ZNF804A: variants seen among roughly 807,000 people sequenced by gnomAD.
ZNF804A encodes the protein zinc finger protein 804A.
In ZNF804A, 2 loss-of-function variants were observed where a neutral mutation model predicts 16.5. That is an observed-to-expected ratio of 0.12 (90% CI 0.05 to 0.38). The LOEUF is 0.38. ZNF804A is among the 10% of genes least tolerant of loss of function. The pLI is 0.99. For synonymous variants in ZNF804A, 534 were observed against 489.6 expected (o/e 1.09, Z -1.20); for missense variants, 1,473 against 1,390.7 (o/e 1.06, Z -0.94).
At chr2:184,755,039 T>C (rs78238869) in intron 1 of ZNF804A, among the ~76,000 whole-genome samples, 1,873 of 151,982 alleles carry the variant, frequency 0.012, 33 homozygotes, top group African/African-American at 0.042. Flanking sequence ...ATGAGGTTTA[T>C]AATTTCGGAT....
chr2:184,687,795 T>TA (rs544236795), intron 1 of ZNF804A, among the ~76,000 whole-genome samples: 19 of 152,002 alleles, frequency 1.2e-4, no homozygotes, highest in Non-Finnish European at 2.5e-4. Context: ...TTTACCACAA[T>TA]AAAAAAAATT....
chr2:184,907,585 A>G (rs1484783423), intron 2 of ZNF804A, among the ~76,000 whole-genome samples: 1 of 152,100 alleles, frequency 6.6e-6, no homozygotes, highest in African/African-American at 2.4e-5. Context: ...GAAATTGACA[A>G]ATCATATGGT....
intron 1 of ZNF804A, among the ~76,000 whole-genome samples, chr2:184,852,222 G>A (rs910355315): frequency 1.3e-4 from 17 of 130,408 alleles, no homozygotes; most frequent in Admixed American, 4.7e-4. Flanking sequence ...ATGTGAATGC[G>A]GTCTCTTTCT....
chr2:184,721,155 TA>T (rs1340847454), intron 1 of ZNF804A, among the ~76,000 whole-genome samples: 1 of 152,060 alleles, frequency 6.6e-6, no homozygotes, highest in East Asian at 1.9e-4. Context: ...GAAGAAGACA[TA>T]GGGGAAACAC....
At chr2:184,721,117 C>A (rs555076059) in intron 1 of ZNF804A, among the ~76,000 whole-genome samples, 149 of 152,192 alleles carry the variant, frequency 9.8e-4, no homozygotes, top group African/African-American at 3.5e-3. Context: ...AAGACTTAAA[C>A]ATAAGACTCA....
At position 184,937,823 on chromosome 2, in the gene ZNF804A, A is replaced by G; in HGVS notation, c.2427A>G (p.Lys809=). The part of the protein sequence containing the change: ...PSTSVAPCKP[K]KKRRRKRGRF... Reference sequence around the variant, plus strand: ...CTTCAGTTGCTCCCTGCAAGCCTAAAAAGAAACGGAGGCGAAAAAGAGGCA... The same window carrying G: ...CTTCAGTTGCTCCCTGCAAGCCTAAGAAGAAACGGAGGCGAAAAAGAGGCA... Residue 809 remains lysine (K), a synonymous_variant, in exon 4 of 4, where the codon AAA becomes AAG. Transcript: ENST00000302277. 1 of 1,614,160 alleles carries G rather than the reference A, an allele frequency of 6.2e-7. No individual in the cohort carries two copies. Among genetic ancestry groups the G allele is most frequent in the Non-Finnish European group, 8.5e-7 (1 of 1,180,012 alleles).
intron 2 of ZNF804A, among the ~76,000 whole-genome samples, chr2:184,928,664 C>T (rs920955616): frequency 1.3e-5 from 2 of 152,176 alleles, no homozygotes; most frequent in Non-Finnish European, 2.9e-5. Context: ...AGCCCCAGAG[C>T]CCTCTGGCCC....
chr2:184,731,117 G>A (rs6725125), intron 1 of ZNF804A, among the ~76,000 whole-genome samples: 20,955 of 151,256 alleles, frequency 0.14, 1,568 homozygotes, highest in Middle Eastern at 0.24. Flanking sequence ...CAGGTGTGGT[G>A]GCAGGCGCCT....
intron 1 of ZNF804A, among the ~76,000 whole-genome samples, chr2:184,734,883 C>G (rs1693583346): frequency 6.6e-6 from 1 of 152,130 alleles, no homozygotes; most frequent in South Asian, 2.1e-4. Flanking sequence ...GTTATGTCTT[C>G]CTGGAGAATT....
chr2:184,735,446 G>A (rs1438329347), intron 1 of ZNF804A, among the ~76,000 whole-genome samples: 1 of 152,074 alleles, frequency 6.6e-6, no homozygotes, highest in Non-Finnish European at 1.5e-5. Context: ...CTGTTTGGGG[G>A]TGGGGTGTTA....
At position 184,789,041 on chromosome 2, in the gene ZNF804A, G is replaced by A. The variant is rs549038219; in HGVS notation, c.112-77328G>A. On this transcript the variant is annotated intron_variant, in intron 1 of 3. Coordinates refer to ENST00000302277, the MANE Select transcript of ZNF804A (RefSeq NM_194250.2). ...TGTCCTAGTTTGTTGAAGGTTTTTA[G>A]CATGAAGTGATGGTGGATGTTATCG... Among the ~76,000 whole-genome samples, 18 of 152,118 alleles carry A rather than the reference G, an allele frequency of 1.2e-4. No homozygotes were observed. The South Asian group carries it at 1.4e-3, about 12-fold the overall frequency.
intron 1 of ZNF804A, among the ~76,000 whole-genome samples, chr2:184,845,695 C>A (rs1207622105): frequency 6.6e-6 from 1 of 152,058 alleles, no homozygotes; most frequent in African/African-American, 2.4e-5. Flanking sequence ...ATTCACATGC[C>A]AAGGACATGA....
intron 2 of ZNF804A, among the ~76,000 whole-genome samples, chr2:184,886,821 T>A (rs1243683715): frequency 6.6e-6 from 1 of 152,224 alleles, no homozygotes; most frequent in Non-Finnish European, 1.5e-5. Flanking sequence ...GCCTGGGGCC[T>A]GGCCCACAAA....
At chr2:184,800,353 G>T (rs62178060) in intron 1 of ZNF804A, among the ~76,000 whole-genome samples, 21,837 of 151,278 alleles carry the variant, frequency 0.14, 1,681 homozygotes, top group Middle Eastern at 0.23. Context: ...GGGTTAAATT[G>T]TTCTTTTTAA....
intron 1 of ZNF804A, among the ~76,000 whole-genome samples, chr2:184,860,517 C>A (rs1056146233): frequency 1.6e-4 from 25 of 152,242 alleles, no homozygotes; most frequent in African/African-American, 6.0e-4. Flanking sequence ...GCCAGTGTGG[C>A]ATTGGGTTTG....
chr2:184,790,762 C>T (rs1205657582), intron 1 of ZNF804A, among the ~76,000 whole-genome samples: 1 of 151,986 alleles, frequency 6.6e-6, no homozygotes, highest in Non-Finnish European at 1.5e-5. Flanking sequence ...TGCCACAACG[C>T]CCGGCTAATT....
intron 1 of ZNF804A, among the ~76,000 whole-genome samples, chr2:184,682,377 T>C (rs1014218098): frequency 6.6e-6 from 1 of 152,222 alleles, no homozygotes; most frequent in African/African-American, 2.4e-5. Flanking sequence ...TAATTATTTA[T>C]ATTTTAGTAA....
chr2:184,693,696 T>C (rs1033983270), intron 1 of ZNF804A, among the ~76,000 whole-genome samples: 1 of 152,170 alleles, frequency 6.6e-6, no homozygotes, highest in Non-Finnish European at 1.5e-5. Flanking sequence ...CTATGCATTA[T>C]TTTTTTCTTT....
chr2:184,855,319 A>G (rs1353347220), intron 1 of ZNF804A, among the ~76,000 whole-genome samples: 1 of 152,110 alleles, frequency 6.6e-6, no homozygotes, highest in Non-Finnish European at 1.5e-5. Context: ...AAAGGCATAA[A>G]TCACCAAGGA....
Sources: allele counts gnomAD v4.1 joint callset (sites outside exome capture counted in the v4.1 genomes callset), GRCh38; gene constraint gnomAD v4.1.1; transcripts MANE v1.5; gene names NCBI Gene and HGNC (gene_info 2026-07-23, HGNC 2026-07-21).